Variants in PPP3CA observed in about 807,000 individuals in gnomAD.
PPP3CA encodes CAM-PRP catalytic subunit.
In PPP3CA, 14 loss-of-function variants were observed where a neutral mutation model predicts 66.5. The observed-to-expected ratio is 0.21, with a 90% CI of 0.14 to 0.33. PPP3CA has a LOEUF of 0.33. Ranked by LOEUF, PPP3CA falls within the 10% of genes least tolerant of loss-of-function variation. The probability of loss-of-function intolerance (pLI) is 1.00; values close to 1 mark genes in which losing one functional copy is unlikely to be tolerated. For missense variants in PPP3CA, 317 were observed against 639.5 expected (o/e 0.50, Z 5.44); for synonymous variants, 232 against 226.2 (o/e 1.03, Z -0.23).
intron 1 of PPP3CA, among the ~76,000 whole-genome samples, chr4:101,226,185 G>A (rs1224799474): frequency 6.6e-6 from 1 of 151,664 alleles, no homozygotes; most frequent in Non-Finnish European, 1.5e-5. Context: ...TGTGATATCT[G>A]TGAACTATTC....
intron 7 of PPP3CA, among the ~76,000 whole-genome samples, chr4:101,082,649 T>G (rs1431490278): frequency 6.6e-6 from 1 of 152,214 alleles, no homozygotes; most frequent in Non-Finnish European, 1.5e-5. Flanking sequence ...TCAACTTTAT[T>G]TAATCATTTG....
chr4:101,144,617 C>CT (rs1326780329), intron 2 of PPP3CA, among the ~76,000 whole-genome samples: 1 of 152,108 alleles, frequency 6.6e-6, no homozygotes, highest in Admixed American at 6.5e-5. Flanking sequence ...TTATAATAGA[C>CT]TGATTTCAGT....
intron 1 of PPP3CA, among the ~76,000 whole-genome samples, chr4:101,263,491 GAA>G (rs1462554374): frequency 2.0e-5 from 3 of 152,182 alleles, no homozygotes; most frequent in African/African-American, 7.2e-5. Flanking sequence ...AGGCTCACAA[GAA>G]AAGACAGACA....
rs1015840418 is a variant in PPP3CA at position 101,024,917 on chromosome 4, T to C, written c.*948A>G. 6.6e-6 allele frequency: 1 copy of C among 152,352 alleles called. No homozygotes were observed. Among genetic ancestry groups the C allele is most frequent in the Non-Finnish European group, 1.5e-5 (1 of 68,022 alleles). The allele number at this position is 152,352 out of a possible 1,614,324, so 9.4% of individuals were successfully genotyped here. ...CCATACAGGCCGATACAGCCATTTTTTTTTTCTTAAAAAACATGCATAGGC... is the reference window on the plus strand; with the variant it reads ...CCATACAGGCCGATACAGCCATTTTCTTTTTCTTAAAAAACATGCATAGGC... On this transcript the variant is annotated 3_prime_UTR_variant, in exon 14 of 14. Coordinates refer to ENST00000394854, the MANE Select transcript of PPP3CA (RefSeq NM_000944.5).
intron 6 of PPP3CA, among the ~76,000 whole-genome samples, chr4:101,090,821 C>A (rs924606748): frequency 6.7e-6 from 1 of 149,718 alleles, no homozygotes; most frequent in East Asian, 2.0e-4. Context: ...GTGTCTAATG[C>A]CGTAATATAT....
chr4:101,134,842 A>G (rs965586392), intron 2 of PPP3CA, among the ~76,000 whole-genome samples: 1 of 152,220 alleles, frequency 6.6e-6, no homozygotes, highest in African/African-American at 2.4e-5. Flanking sequence ...ATGTCCATCA[A>G]TGTTAGACTG....
intron 1 of PPP3CA, among the ~76,000 whole-genome samples, chr4:101,301,428 AAT>A (rs929210976): frequency 1.4e-5 from 2 of 147,054 alleles, no homozygotes; most frequent in African/African-American, 5.0e-5. Context: ...ATTTATATAT[AAT>A]ATATATTAAT....
chr4:101,163,184 C>T (rs2110308597), intron 2 of PPP3CA, among the ~76,000 whole-genome samples: 1 of 152,260 alleles, frequency 6.6e-6, no homozygotes, highest in East Asian at 1.9e-4. Context: ...TGCATTTGTG[C>T]ATGGCAGTTT....
At chr4:101,294,209 G>A (rs1728121056) in intron 1 of PPP3CA, among the ~76,000 whole-genome samples, 1 of 152,186 alleles carries the variant, frequency 6.6e-6, no homozygotes, top group Non-Finnish European at 1.5e-5. Context: ...TATATTTGCA[G>A]TTACAGAAAA....
At chr4:101,027,640 T>C (rs1448922132) in intron 13 of PPP3CA, among the ~76,000 whole-genome samples, 1 of 152,216 alleles carries the variant, frequency 6.6e-6, no homozygotes, top group East Asian at 1.9e-4. Flanking sequence ...TACTGTCTTT[T>C]TTAGACTACT....
chr4:101,064,781 T>C (rs888500884), intron 8 of PPP3CA, among the ~76,000 whole-genome samples: 2 of 152,094 alleles, frequency 1.3e-5, no homozygotes, highest in African/African-American at 4.8e-5. Flanking sequence ...AGAAGTAATA[T>C]AATCATCTAG....
intron 2 of PPP3CA, 108 bp downstream of exon 2, chr4:101,195,808 A>G: frequency 1.2e-6 from 1 of 864,302 alleles, no homozygotes; most frequent in South Asian, 1.7e-5. Context: ...GTAAAAGATT[A>G]TGATGGGTAA....
At chr4:101,058,354 A>G (rs1728314067) in intron 10 of PPP3CA, among the ~76,000 whole-genome samples, 1 of 152,204 alleles carries the variant, frequency 6.6e-6, no homozygotes, top group South Asian at 2.1e-4. Context: ...TAACTTAATG[A>G]TGTTTAACTT....
At chr4:101,340,592 A>G (rs1310677122) in intron 1 of PPP3CA, among the ~76,000 whole-genome samples, 1 of 152,224 alleles carries the variant, frequency 6.6e-6, no homozygotes, top group Non-Finnish European at 1.5e-5. Context: ...CTCATATGAA[A>G]TATAATTGAT....
At chr4:101,038,768 CATT>C (rs1281574691) in intron 11 of PPP3CA, among the ~76,000 whole-genome samples, 20 of 152,266 alleles carry the variant, frequency 1.3e-4, no homozygotes, top group African/African-American at 4.8e-4. Context: ...AATGCTCAAT[CATT>C]ATTTACTAAG....
At chr4:101,161,282 T>G (rs1262757545) in intron 2 of PPP3CA, among the ~76,000 whole-genome samples, 1 of 152,136 alleles carries the variant, frequency 6.6e-6, no homozygotes, top group Non-Finnish European at 1.5e-5. Flanking sequence ...GACGCATTTC[T>G]CAGGATGTTT....
intron 1 of PPP3CA, among the ~76,000 whole-genome samples, chr4:101,317,683 A>G (rs957103643): frequency 4.6e-5 from 7 of 152,348 alleles, no homozygotes; most frequent in Non-Finnish European, 1.0e-4. Context: ...ATCAGAGAAC[A>G]CTATTTAATA....
chr4:101,193,972 G>A (rs1300379085), intron 2 of PPP3CA, among the ~76,000 whole-genome samples: 3 of 152,136 alleles, frequency 2.0e-5, no homozygotes, highest in Non-Finnish European at 4.4e-5. Flanking sequence ...AAATATGGTA[G>A]TGGCTTTTTA....
At chr4:101,098,587 A>G in intron 4 of PPP3CA, 75 bp from the exon 5 acceptor site, 1 of 1,424,250 alleles carries the variant, frequency 7.0e-7, no homozygotes, top group Non-Finnish European at 9.5e-7. Flanking sequence ...TGGTTTTTTG[A>G]GAAGTTTTCT....
Sources: gnomAD v4.1 joint callset for allele counts (sites outside exome capture counted in the v4.1 genomes callset) on GRCh38, gnomAD v4.1.1 for gene constraint, MANE v1.5 for transcripts, NCBI Gene and HGNC (gene_info 2026-07-23, HGNC 2026-07-21) for gene names.